Variants in CEP128 observed in about 807,000 individuals in gnomAD.
CEP128 encodes the protein centrosomal protein 128.
In CEP128, 132 loss-of-function variants were observed where a neutral mutation model predicts 156.7. The observed-to-expected ratio is 0.84, with a 90% CI of 0.73 to 0.97. The LOEUF is 0.97. Ranked by LOEUF, CEP128 falls within the 50% of genes least tolerant of loss-of-function variation. The probability of loss-of-function intolerance (pLI) is 0.00; values close to 1 mark genes in which losing one functional copy is unlikely to be tolerated. For missense variants in CEP128, 1,252 were observed against 1,281.9 expected, an observed-to-expected ratio of 0.98 and a Z score of 0.36; for synonymous variants, 469 against 448.9, an observed-to-expected ratio of 1.04 and a Z score of -0.57.
intron 14 of CEP128, among the ~76,000 whole-genome samples, chr14:80,788,288 CTTTTTTTT>C (rs10628361): frequency 1.0e-5 from 1 of 97,256 alleles, no homozygotes; most frequent in African/African-American, 4.0e-5. Context: ...TGGCCAGGAT[CTTTTTTTT>C]TTTTTTTTTT....
Position 80,559,301 on chromosome 14 carries a change from T to G in CEP128, c.2858A>C (p.Asp953Ala), listed in dbSNP as rs1431020373. 20 of 1,599,438 alleles carry G rather than the reference T, an allele frequency of 1.3e-5. No homozygotes were observed. The highest frequency in any genetic ancestry group is 1.6e-5 in the Non-Finnish European group (19 of 1,174,782). The stretch of plus-strand genomic sequence containing the variant: ...TACCGTTTCTAATGCAATTACACGG[T>G]CCTGCAAAGAAAGCATAATATATAA... ...RKDEEMGSLQ[D>A]RVIALETSTQ... is the part of the protein sequence containing the mutation. Residue 953 changes from aspartate (D) to alanine (A), a missense_variant and splice_region_variant, in exon 21 of 25, where the codon GAC becomes GCC. Physicochemically the swap from Asp to Ala is moderately radical, Grantham distance 126. Transcript: ENST00000555265.
chr14:80,594,312 A>G (rs1892220421), intron 19 of CEP128, among the ~76,000 whole-genome samples: 1 of 152,240 alleles, frequency 6.6e-6, no homozygotes, highest in Non-Finnish European at 1.5e-5. Context: ...ACATTATACA[A>G]AAATTAACTC....
At chr14:80,915,331 AC>A (rs1329092746) in intron 3 of CEP128, among the ~76,000 whole-genome samples, 1 of 152,160 alleles carries the variant, frequency 6.6e-6, no homozygotes, top group Non-Finnish European at 1.5e-5. Flanking sequence ...CCATTATGTT[AC>A]TTTAAATGAG....
At chr14:80,622,482 T>C (rs1437919447) in intron 19 of CEP128, among the ~76,000 whole-genome samples, 1 of 148,886 alleles carries the variant, frequency 6.7e-6, no homozygotes. Context: ...CTAAAGAGCT[T>C]CTGCACAGCA....
In CEP128 at chr14:80,781,794, G is replaced by A. The variant is rs547364049; in HGVS notation, c.2211+3101C>T. On this transcript the variant is annotated intron_variant, in intron 15 of 24. Transcript: ENST00000555265. ...GCCAATGTATCCATGAGCAAATGCA[G>A]TTACTATTTCTCACTGAAGAATGCA... Among the ~76,000 whole-genome samples, 53 of 152,282 alleles carry A rather than the reference G, an allele frequency of 3.5e-4. No homozygotes were observed. The South Asian group carries it at 8.5e-3, about 24-fold the overall frequency.
At chr14:80,707,773 T>C (rs1419427293) in intron 19 of CEP128, among the ~76,000 whole-genome samples, 1 of 152,168 alleles carries the variant, frequency 6.6e-6, no homozygotes, top group Non-Finnish European at 1.5e-5. Flanking sequence ...AACATAATTG[T>C]CTAAAATACC....
At chr14:80,946,181 A>T (rs1886338077), upstream of CEP128, among the ~76,000 whole-genome samples, 1 of 152,190 alleles carries the variant, frequency 6.6e-6, no homozygotes, top group Non-Finnish European at 1.5e-5. Flanking sequence ...GGTAAGCATT[A>T]TTGAATGTAA....
At chr14:80,897,506 T>C (rs35899127) in intron 7 of CEP128, among the ~76,000 whole-genome samples, 12,933 of 152,198 alleles carry the variant, frequency 0.085, 674 homozygotes, top group Middle Eastern at 0.17. Context: ...ATCTTAAACA[T>C]ATCCAAGGCC....
chr14:80,826,418 C>T (rs1885483551), intron 13 of CEP128, among the ~76,000 whole-genome samples: 1 of 152,084 alleles, frequency 6.6e-6, no homozygotes, highest in East Asian at 1.9e-4. Flanking sequence ...CATGAAATTA[C>T]AACCAGCATA....
At chr14:80,642,398 G>C (rs887959149) in intron 19 of CEP128, among the ~76,000 whole-genome samples, 1 of 152,222 alleles carries the variant, frequency 6.6e-6, no homozygotes, top group African/African-American at 2.4e-5. Flanking sequence ...GAATGAGAGA[G>C]ACAAGGCTGG....
rs139323310 is a variant in CEP128 at position 80,930,655 on chromosome 14, G to A, written c.-16+8730C>T. Among the ~76,000 whole-genome samples, 1,010 of 152,296 alleles carry A rather than the reference G, an allele frequency of 6.6e-3. 16 individuals carry two copies. The highest frequency in any genetic ancestry group is 0.023 in the African/African-American group (962 of 41,562). ...ATGACCAGCTATGCAATAAAGCCAC[G>A]AAACCTTCAAAACTGCTTCACCACA... On this transcript the variant is annotated intron_variant, in intron 2 of 24. Coordinates refer to ENST00000555265, the MANE Select transcript of CEP128 (RefSeq NM_152446.5).
At chr14:80,771,591 A>G (rs1057091693) in intron 16 of CEP128, among the ~76,000 whole-genome samples, 2 of 152,226 alleles carry the variant, frequency 1.3e-5, no homozygotes, top group African/African-American at 4.8e-5. Flanking sequence ...ACAAAAATGC[A>G]TTTCTATGCA....
chr14:80,803,166 A>G (rs1241356821), intron 13 of CEP128, among the ~76,000 whole-genome samples: 1 of 152,174 alleles, frequency 6.6e-6, no homozygotes, highest in Non-Finnish European at 1.5e-5. Flanking sequence ...AGTAGGCAAG[A>G]CCGACATCTA....
At chr14:80,779,446 C>T (rs182787884) in intron 15 of CEP128, among the ~76,000 whole-genome samples, 3 of 152,282 alleles carry the variant, frequency 2.0e-5, no homozygotes, top group Admixed American at 6.5e-5. Flanking sequence ...AATCTCTCAT[C>T]AGGAAAATTG....
At chr14:80,646,857 A>C (rs1348952736) in intron 19 of CEP128, among the ~76,000 whole-genome samples, 2 of 151,356 alleles carry the variant, frequency 1.3e-5, no homozygotes, top group East Asian at 3.9e-4. Flanking sequence ...AATTATGTTA[A>C]TTTTACTTGA....
intron 19 of CEP128, among the ~76,000 whole-genome samples, chr14:80,664,139 T>C (rs1439048905): frequency 2.0e-5 from 3 of 152,142 alleles, no homozygotes; most frequent in Non-Finnish European, 4.4e-5. Context: ...GGGTTGACAT[T>C]AATTATGGAC....
chr14:80,543,705 T>C (rs1391579904), intron 21 of CEP128, among the ~76,000 whole-genome samples: 3 of 152,198 alleles, frequency 2.0e-5, no homozygotes, highest in Admixed American at 6.5e-5. Flanking sequence ...AGAAAGTCCT[T>C]CCCTTCCCTG....
Position 80,678,047 on chromosome 14 carries a change from A to ATATATATATATATATATATAT in CEP128, c.2806+65027_2806+65028insATATATATATATATATATATA, listed in dbSNP as rs1555390193. On this transcript the variant is annotated intron_variant, in intron 19 of 24. Transcript: ENST00000555265. ...ACATGGACAGTTGCTCTATAAAAAAAAAATATATATATATATGTATATATA... is the reference window on the plus strand; with the variant it reads ...ACATGGACAGTTGCTCTATAAAAAAATATATATATATATATATATATAAATATATATATATATGTATATATA... Among the ~76,000 whole-genome samples, 21 of 68,516 alleles carry ATATATATATATATATATATAT rather than the reference A, an allele frequency of 3.1e-4. No individual in the cohort carries two copies. The East Asian group carries it at 5.5e-3, about 18-fold the overall frequency. 44.9% of individuals were successfully genotyped at this position (68,516 alleles called of 152,430 possible).
At chr14:80,647,052 TATATATATA>T (rs1894677845) in intron 19 of CEP128, among the ~76,000 whole-genome samples, 1 of 4,628 alleles carries the variant, frequency 2.2e-4, no homozygotes, top group Non-Finnish European at 4.0e-4. Flanking sequence ...TATATATATA[TATATATATA>T]TATATATATA....
Sources: gnomAD v4.1 joint callset for allele counts (sites outside exome capture counted in the v4.1 genomes callset) on GRCh38, gnomAD v4.1.1 for gene constraint, MANE v1.5 for transcripts, NCBI Gene and HGNC (gene_info 2026-07-23, HGNC 2026-07-21) for gene names.